Variants in MLH3 observed in about 807,000 individuals in gnomAD.
MLH3 encodes the protein DNA mismatch repair protein Mlh3.
A neutral mutation model predicts 122.2 loss-of-function variants in MLH3; 82 were observed. The ratio of observed to expected loss-of-function variants is 0.67; its 90% CI spans 0.56 to 0.81. The LOEUF is 0.81. MLH3 is among the 30% of genes least tolerant of loss of function. The probability of loss-of-function intolerance (pLI) is 0.00; values close to 1 mark genes in which losing one functional copy is unlikely to be tolerated. For synonymous variants in MLH3, 524 were observed against 599.5 expected (o/e 0.87, Z 1.84); for missense variants, 1,539 against 1,714.5 (o/e 0.90, Z 1.81).
rs1566607594 is a variant in MLH3 at position 75,048,304 on chromosome 14, C to T, written c.1352G>A (p.Ser451Asn). 3 of 1,614,060 alleles carry T rather than the reference C, an allele frequency of 1.9e-6. No homozygotes were observed. The highest frequency in any genetic ancestry group is 4.5e-5 in the East Asian group (2 of 44,872). ...TTGTAAAGATGGCTCTGTCATTTTGCTATGGCCTGGACCACCTGATTCATA... is the reference window on the plus strand; with the variant it reads ...TTGTAAAGATGGCTCTGTCATTTTGTTATGGCCTGGACCACCTGATTCATA... ...YIYESGGPGHSKMTEPSLQNK... is the reference protein window; with the variant it reads ...YIYESGGPGHNKMTEPSLQNK... The change falls in exon 2 of 13, where the codon AGC (serine) becomes AAC (asparagine). Residue 451 changes from serine (S) to asparagine (N), a missense_variant. Transcript: ENST00000355774.
intron 10 of MLH3, 29 bp downstream of exon 10, chr14:75,022,966 T>C (rs777786725): frequency 6.2e-7 from 1 of 1,614,096 alleles, no homozygotes. Context: ...TGCTTCTGTG[T>C]GAAACCCCAA....
At chr14:75,042,289 ACTGATC>A (rs1891907918) in intron 3 of MLH3, 84 bp downstream of exon 3, 1 of 1,082,860 alleles carries the variant, frequency 9.2e-7, no homozygotes, top group African/African-American at 1.5e-5. Context: ...CACAGCTGGC[ACTGATC>A]AAGCTTAATG....
intron 2 of MLH3, among the ~76,000 whole-genome samples, chr14:75,043,131 C>G (rs1891987123): frequency 2.0e-5 from 3 of 152,194 alleles, no homozygotes; most frequent in African/African-American, 7.2e-5. Context: ...CTACTAGCAT[C>G]TAGCAGATAA....
intron 2 of MLH3, 131 bp downstream of exon 2, chr14:75,046,245 A>G (rs986744424): frequency 3.3e-6 from 3 of 915,996 alleles, no homozygotes; most frequent in East Asian, 2.4e-5. Context: ...AAAATACAAC[A>G]TATGTTTTAT....
At position 75,022,995 on chromosome 14, in the gene MLH3, C is replaced by T; in HGVS notation, c.4011G>A (p.Glu1337=). 6.2e-7 allele frequency: 1 copy of T among 1,614,212 alleles called. No individual in the cohort carries two copies. The highest frequency in any genetic ancestry group is 1.3e-5 in the African/African-American group (1 of 75,058). Reference sequence around the variant, plus strand: ...ACCCCAAAATAAAGGAAAAGCTTACCTCCAGTTGTTCTCGGATAAATTCCT... The same window carrying T: ...ACCCCAAAATAAAGGAAAAGCTTACTTCCAGTTGTTCTCGGATAAATTCCT... The part of the protein sequence containing the change: ...IVEEFIREQL[E]LLQTTGGIQG... The change falls in exon 10 of 13, where the codon GAG becomes GAA. Residue 1337 remains glutamate, a splice_region_variant and synonymous_variant. Coordinates refer to ENST00000355774, the MANE Select transcript of MLH3 (RefSeq NM_001040108.2).
intron 2 of MLH3, among the ~76,000 whole-genome samples, chr14:75,044,516 G>C (rs1892083722): frequency 6.6e-6 from 1 of 152,156 alleles, no homozygotes; most frequent in East Asian, 1.9e-4. Context: ...ATTTACCTCT[G>C]AAAAGCCTTC....
intron 9 of MLH3, among the ~76,000 whole-genome samples, chr14:75,024,147 T>C (rs1158168128): frequency 6.6e-6 from 1 of 152,194 alleles, no homozygotes; most frequent in Non-Finnish European, 1.5e-5. Flanking sequence ...CAATGGTCTG[T>C]TTAATGCTGG....
chr14:75,018,965 T>C lies in MLH3; in HGVS notation c.4106A>G (p.Asn1369Ser), dbSNP rs769482484. 1 of 1,614,128 alleles carries C rather than the reference T, an allele frequency of 6.2e-7. No individual in the cohort carries two copies. Among genetic ancestry groups the C allele is most frequent in the Non-Finnish European group, 8.5e-7 (1 of 1,179,978 alleles). The change falls in exon 12 of 13, where the codon AAT becomes AGT. Residue 1369 changes from asparagine to serine, a missense_variant. Coordinates refer to ENST00000355774, the MANE Select transcript of MLH3 (RefSeq NM_001040108.2). Reference protein sequence around the residue: ...SQACHGAIKFNDGLSLQESCR... With the variant: ...SQACHGAIKFSDGLSLQESCR... ...ACTTTCCTGTAAGCTCAGGCCATCA[T>C]TAAACTTAATGGCCCCTAAATGAAA... is the stretch of plus-strand genomic sequence containing the variant.
At position 75,047,270 on chromosome 14, in the gene MLH3, T is replaced by A; in HGVS notation, c.2386A>T (p.Asn796Tyr). ...VEPDILLKDK[N>Y]RLENSDVCKI... is the part of the protein sequence containing the mutation. ...CAAACATCAGAGTTCTCTAAGCGGT[T>A]CTTGTCCTTCAGCAGAATGTCAGGT... The change falls in exon 2 of 13, where the codon AAC (asparagine) becomes TAC (tyrosine). Residue 796 changes from asparagine to tyrosine, a missense_variant. By Grantham distance (143) the Asn-to-Tyr change is moderately radical. Coordinates refer to ENST00000355774, the MANE Select transcript of MLH3 (RefSeq NM_001040108.2). The A allele has an allele frequency of 6.2e-7, 1 of 1,614,168 alleles. No homozygotes were observed. Among genetic ancestry groups the A allele is most frequent in the African/African-American group, 1.3e-5 (1 of 75,064 alleles).
Position 75,047,669 on chromosome 14 carries a change from T to G in MLH3, c.1987A>C (p.Ser663Arg). The G allele has an allele frequency of 6.2e-7, 1 of 1,614,038 alleles. No individual in the cohort carries two copies. The highest frequency in any genetic ancestry group is 1.1e-5 in the South Asian group (1 of 91,046). Reference protein sequence around the residue: ...PDIKDLASTLSKESGQLPNKK... With the variant: ...PDIKDLASTLRKESGQLPNKK... ...TTGGGCAATTGACCAGATTCTTTAC[T>G]TAAAGTGCTGGCTAAATCTTTGATG... Residue 663 changes from serine (S) to arginine (R), a missense_variant, in exon 2 of 13, where the codon AGT (serine) becomes CGT (arginine). Transcript: ENST00000355774.
chr14:75,039,468 AT>A (rs1595068338), intron 5 of MLH3, among the ~76,000 whole-genome samples: 1 of 152,338 alleles, frequency 6.6e-6, no homozygotes, highest in East Asian at 1.9e-4. Context: ...TGACTTCTCA[AT>A]ATGGGCTTTC....
At chr14:75,037,607 G>A (rs989446973) in intron 6 of MLH3, among the ~76,000 whole-genome samples, 9 of 151,842 alleles carry the variant, frequency 5.9e-5, no homozygotes, top group Non-Finnish European at 8.8e-5. Flanking sequence ...TTATTATAAA[G>A]GGAAAACATG....
chr14:75,039,798 C>A, intron 5 of MLH3, 113 bp downstream of exon 5: 4 of 302,822 alleles, frequency 1.3e-5, no homozygotes, highest in East Asian at 1.2e-4. Flanking sequence ...GTGCCTTGAC[C>A]AAGGTGGTCT....
At position 75,051,445 on chromosome 14, in the gene MLH3, T is replaced by G. The variant is rs1329680102; in HGVS notation, c.-129A>C. ...CGGACGCCGACGCGCGCACCTTGGATCTTGAGGCTCGTGCGTGCCCACGAG... is the reference window on the plus strand; with the variant it reads ...CGGACGCCGACGCGCGCACCTTGGAGCTTGAGGCTCGTGCGTGCCCACGAG... On this transcript the variant is annotated 5_prime_UTR_variant, in exon 1 of 13. Coordinates refer to ENST00000355774, the MANE Select transcript of MLH3 (RefSeq NM_001040108.2). 1 of 152,154 alleles carries G rather than the reference T, an allele frequency of 6.6e-6. No homozygotes were observed. Among genetic ancestry groups the G allele is most frequent in the Non-Finnish European group, 1.5e-5 (1 of 68,014 alleles). 9.4% of individuals were successfully genotyped at this position (152,154 alleles called of 1,614,324 possible). A position where few individuals can be genotyped will look rare whatever the true frequency, so the allele number is the denominator to read the frequency against.
intron 9 of MLH3, among the ~76,000 whole-genome samples, chr14:75,023,923 G>A (rs1195364402): frequency 6.6e-6 from 1 of 152,122 alleles, no homozygotes; most frequent in East Asian, 1.9e-4. Flanking sequence ...TCAAGAGCTA[G>A]GTAGTAGATA....
chr14:75,045,343 G>A (rs929783590), intron 2 of MLH3, among the ~76,000 whole-genome samples: 1 of 152,048 alleles, frequency 6.6e-6, no homozygotes, highest in Non-Finnish European at 1.5e-5. Context: ...ATAAATAAAT[G>A]CCATATTATT....
At chr14:75,044,895 A>G (rs1595080031) in intron 2 of MLH3, among the ~76,000 whole-genome samples, 1 of 152,238 alleles carries the variant, frequency 6.6e-6, no homozygotes, top group East Asian at 1.9e-4. Context: ...TGCAAAGCCA[A>G]GATTATAGCC....
chr14:75,040,075 C>A, intron 4 of MLH3, 60 bp from the exon 5 acceptor site: 1 of 876,352 alleles, frequency 1.1e-6, no homozygotes, highest in Non-Finnish European at 1.9e-6. Context: ...ATTGTTTTAC[C>A]AAAGATATCA....
At chr14:75,036,668 T>C (rs1891433809) in intron 6 of MLH3, 1 of 455,820 alleles carries the variant, frequency 2.2e-6, no homozygotes, top group African/African-American at 2.0e-5. Context: ...TCTGGAGCAT[T>C]TCAAAGACTG....
Sources: allele counts gnomAD v4.1 joint callset (sites outside exome capture counted in the v4.1 genomes callset), GRCh38; gene constraint gnomAD v4.1.1; transcripts MANE v1.5; gene names NCBI Gene and HGNC (gene_info 2026-07-23, HGNC 2026-07-21).